COL22A1: variants seen among roughly 807,000 people sequenced by gnomAD.
COL22A1 encodes collagen alpha-1(XXII) chain.
In COL22A1, 221 loss-of-function variants were observed where a neutral mutation model predicts 248.9. That is an observed-to-expected ratio of 0.89 (90% confidence interval 0.80 to 0.99). COL22A1 has a LOEUF of 0.99. COL22A1 is among the 50% of genes least tolerant of loss of function. The pLI, the probability that COL22A1 is intolerant of heterozygous loss-of-function variation, is 0.00. For missense variants in COL22A1, 2,240 were observed against 2,179.0 expected (o/e 1.03, Z -0.56); for synonymous variants, 891 against 793.4 (o/e 1.12, Z -2.07).
rs1181889835 is a variant in COL22A1, at chr8:138,594,054, C to T, written c.4578G>A (p.Gly1526=). The T allele has an allele frequency of 6.3e-7, 1 of 1,590,682 alleles. No individual in the cohort carries two copies. The highest frequency in any genetic ancestry group is 1.9e-5 in the Admixed American group (1 of 53,294). Residue 1526 remains glycine, a synonymous_variant, in exon 63 of 65, where the codon GGG becomes GGA. Transcript: ENST00000303045. ...PMGEPGRPGQ[G]GLEGPSGPIG... is the part of the protein sequence containing the mutation. ...TGGGTCCAGAGGGTCCTTCCAGACCCCCCTGCCCAGGACGACCTGGCTCCC... is the reference window on the plus strand; with the variant it reads ...TGGGTCCAGAGGGTCCTTCCAGACCTCCCTGCCCAGGACGACCTGGCTCCC...
At chr8:138,750,152 T>C (rs980704159) in intron 22 of COL22A1, among the ~76,000 whole-genome samples, 4 of 152,174 alleles carry the variant, frequency 2.6e-5, no homozygotes, top group African/African-American at 9.7e-5. Context: ...GCCATGATTG[T>C]GGGACCTCCG....
Position 138,630,760 on chromosome 8 carries a change from A to T in COL22A1, c.3610-12T>A. ...ATTCCATCTGCCCCCTAAAAAAGAC[A>T]AGGCAGAAAGCTAGTTTCTTGTGCA... On this transcript the variant is annotated splice_polypyrimidine_tract_variant and intron_variant, in intron 49 of 64. Transcript: ENST00000303045. 6.2e-7 allele frequency: 1 copy of T among 1,613,470 alleles called. No individual in the cohort carries two copies. The highest frequency in any genetic ancestry group is 8.5e-7 in the Non-Finnish European group (1 of 1,179,552).
intron 63 of COL22A1, among the ~76,000 whole-genome samples, chr8:138,592,395 G>A (rs1204695704): frequency 1.3e-5 from 2 of 152,164 alleles, no homozygotes; most frequent in African/African-American, 4.8e-5. Flanking sequence ...GGTTCACGGG[G>A]ACTTCAGACC....
chr8:138,715,142 T>C (rs1404379884), intron 30 of COL22A1, among the ~76,000 whole-genome samples: 1 of 152,198 alleles, frequency 6.6e-6, no homozygotes, highest in Admixed American at 6.5e-5. Flanking sequence ...ACTCCAATAC[T>C]ATTATCTTCT....
intron 5 of COL22A1, 83 bp from the exon 6 acceptor site, chr8:138,826,864 G>A (rs1300579408): frequency 1.7e-5 from 26 of 1,507,116 alleles, no homozygotes; most frequent in Non-Finnish European, 2.4e-5. Flanking sequence ...ACCCAGCAGT[G>A]ATCAAGCCCT....
chr8:138,841,654 A>C (rs2131857514), intron 4 of COL22A1, among the ~76,000 whole-genome samples: 1 of 152,314 alleles, frequency 6.6e-6, no homozygotes, highest in South Asian at 2.1e-4. Flanking sequence ...GAGCCAAGGA[A>C]TCCAGGTTTT....
chr8:138,754,756 C>G (rs944935146), intron 21 of COL22A1, among the ~76,000 whole-genome samples: 4 of 152,212 alleles, frequency 2.6e-5, no homozygotes, highest in African/African-American at 9.7e-5. Context: ...CAGAACTGAC[C>G]AGAAACATGG....
intron 41 of COL22A1, among the ~76,000 whole-genome samples, chr8:138,664,438 T>C (rs1824319750): frequency 6.6e-6 from 1 of 152,150 alleles, no homozygotes; most frequent in South Asian, 2.1e-4. Flanking sequence ...GGCTTTGCGA[T>C]GCTTGTGCAT....
chr8:138,678,586 AAT>A (rs1554744977), intron 40 of COL22A1, among the ~76,000 whole-genome samples: 2 of 151,826 alleles, frequency 1.3e-5, no homozygotes, highest in Admixed American at 1.3e-4. Flanking sequence ...GTAAAAAAAA[AAT>A]AAGACAAATA....
chr8:138,719,414 G>A (rs2131122065), intron 27 of COL22A1, among the ~76,000 whole-genome samples: 1 of 152,250 alleles, frequency 6.6e-6, no homozygotes, highest in African/African-American at 2.4e-5. Flanking sequence ...ACATTCATGG[G>A]GGCCATGAGG....
At chr8:138,744,766 T>A (rs1051901017) in intron 22 of COL22A1, among the ~76,000 whole-genome samples, 2 of 152,254 alleles carry the variant, frequency 1.3e-5, no homozygotes, top group South Asian at 2.1e-4. Context: ...ATTCAATCAA[T>A]GTTATTTCCT....
At chr8:138,812,677 C>G (rs939591056) in intron 8 of COL22A1, among the ~76,000 whole-genome samples, 4 of 147,432 alleles carry the variant, frequency 2.7e-5, no homozygotes, top group African/African-American at 8.1e-5. Context: ...GCCCCTGCCT[C>G]CTACATCCCC....
intron 12 of COL22A1, among the ~76,000 whole-genome samples, chr8:138,790,966 C>T (rs1815982130): frequency 6.6e-6 from 1 of 152,218 alleles, no homozygotes; most frequent in African/African-American, 2.4e-5. Context: ...TCAGCTAGTA[C>T]TTGCTATGAT....
chr8:138,631,096 C>G (rs1385907333), intron 49 of COL22A1, among the ~76,000 whole-genome samples: 1 of 152,168 alleles, frequency 6.6e-6, no homozygotes, highest in African/African-American at 2.4e-5. Flanking sequence ...ATGGGAAGTT[C>G]CCTGCGGTCT....
At chr8:138,865,145 G>C (rs1261989601) in intron 3 of COL22A1, among the ~76,000 whole-genome samples, 2 of 152,168 alleles carry the variant, frequency 1.3e-5, no homozygotes, top group African/African-American at 4.8e-5. Flanking sequence ...CCCAAGAGTA[G>C]ACAGACAGTC....
At chr8:138,657,786 C>T (rs1178746265) in intron 44 of COL22A1, among the ~76,000 whole-genome samples, 1 of 152,102 alleles carries the variant, frequency 6.6e-6, no homozygotes, top group Non-Finnish European at 1.5e-5. Flanking sequence ...CCTCCCCATT[C>T]TCGGTGCATC....
At chr8:138,650,477 C>T (rs1281918880) in intron 45 of COL22A1, among the ~76,000 whole-genome samples, 1 of 152,158 alleles carries the variant, frequency 6.6e-6, no homozygotes, top group East Asian at 1.9e-4. Context: ...TTGGATCTTA[C>T]AGTTTGGAGC....
At chr8:138,660,909 TAC>T (rs1179225289) in intron 43 of COL22A1, among the ~76,000 whole-genome samples, 1 of 56,354 alleles carries the variant, frequency 1.8e-5, no homozygotes, top group Non-Finnish European at 3.6e-5. Context: ...AACACACACA[TAC>T]ACAGACACAC....
intron 47 of COL22A1, among the ~76,000 whole-genome samples, chr8:138,641,478 G>T (rs992353489): frequency 6.6e-6 from 1 of 152,158 alleles, no homozygotes; most frequent in Non-Finnish European, 1.5e-5. Context: ...TGCTCCCAGG[G>T]TCATTGCTGT....
Sources: gnomAD v4.1 joint callset for allele counts (sites outside exome capture counted in the v4.1 genomes callset) on GRCh38, gnomAD v4.1.1 for gene constraint, MANE v1.5 for transcripts, NCBI Gene and HGNC (gene_info 2026-07-23, HGNC 2026-07-21) for gene names.